Variants in NMU observed in about 807,000 individuals in gnomAD.
NMU encodes neuromedin U.
Under a neutral mutation model 35.4 loss-of-function variants are expected in NMU, and 29 were observed. The observed-to-expected ratio is 0.82, with a 90% CI of 0.61 to 1.12. The LOEUF (loss-of-function observed/expected upper bound fraction) is 1.12. Among genes scored for constraint, NMU ranks in the 50% most tolerant of loss-of-function variants. The pLI is 0.00. For missense variants in NMU, 199 were observed against 206.2 expected, an observed-to-expected ratio of 0.97 and a Z score of 0.21; for synonymous variants, 78 against 81.3, an observed-to-expected ratio of 0.96 and a Z score of 0.22.
At chr4:55,604,027 A>ATATATACATGTGTATATATACAC (rs1733567304) in intron 7 of NMU, among the ~76,000 whole-genome samples, 3 of 28,998 alleles carry the variant, frequency 1.0e-4, no homozygotes, top group African/African-American at 3.1e-4. Flanking sequence ...GTATATATAT[A>ATATATACATGTGTATATATACAC]ATCCTAGAAA....
chr4:55,596,260 T>G (rs553087229), intron 9 of NMU, among the ~76,000 whole-genome samples: 2 of 151,940 alleles, frequency 1.3e-5, no homozygotes. Context: ...TATTATATTG[T>G]TTTTCTATTG....
rs1223895643 is a variant in NMU at position 55,616,375 on chromosome 4, GTATCATC to G, written c.175_181del (p.Asp59LeufsTer24). The G allele has an allele frequency of 6.2e-7, 1 of 1,611,384 alleles. No individual in the cohort carries two copies. ...ATCAATGGACAGAAAAGACGAACAA[GTATCATC>G]TATCTGTAGAAAACAAAAATGTCAG... On this transcript the variant is annotated frameshift_variant, in exon 3 of 10. Coordinates refer to ENST00000264218, the MANE Select transcript of NMU (RefSeq NM_006681.4). LOFTEE classifies it high-confidence loss of function.
intron 7 of NMU, among the ~76,000 whole-genome samples, chr4:55,603,082 C>T (rs985567164): frequency 6.6e-6 from 1 of 152,178 alleles, no homozygotes; most frequent in African/African-American, 2.4e-5. Flanking sequence ...ACTGAAACCT[C>T]TGCCTCCCTG....
intron 1 of NMU, among the ~76,000 whole-genome samples, chr4:55,635,690 C>G (rs1046610485): frequency 6.6e-6 from 1 of 152,248 alleles, no homozygotes; most frequent in African/African-American, 2.4e-5. Context: ...AACCATCAAT[C>G]TCTCCAATAA....
At chr4:55,618,553 C>A (rs1734202435) in intron 2 of NMU, among the ~76,000 whole-genome samples, 1 of 152,130 alleles carries the variant, frequency 6.6e-6, no homozygotes, top group Non-Finnish European at 1.5e-5. Context: ...ATGTTCCTAG[C>A]ATCTTAACTT....
chr4:55,631,326 G>A (rs1186732464), intron 1 of NMU, among the ~76,000 whole-genome samples: 2 of 152,002 alleles, frequency 1.3e-5, no homozygotes, highest in Non-Finnish European at 2.9e-5. Flanking sequence ...AAATAAATGG[G>A]ACCTAATTAA....
chr4:55,613,140 C>T (rs575815167), intron 3 of NMU, among the ~76,000 whole-genome samples: 205 of 152,018 alleles, frequency 1.3e-3, no homozygotes, highest in African/African-American at 4.8e-3. Context: ...CAGTAGATAC[C>T]GAGGCCTACT....
At chr4:55,597,463 G>A (rs1205791768) in intron 9 of NMU, among the ~76,000 whole-genome samples, 1 of 151,916 alleles carries the variant, frequency 6.6e-6, no homozygotes, top group Non-Finnish European at 1.5e-5. Flanking sequence ...CTCCCTCCTG[G>A]GTTCAGGTGA....
At chr4:55,629,351 T>G (rs937031998) in intron 2 of NMU, among the ~76,000 whole-genome samples, 2 of 151,938 alleles carry the variant, frequency 1.3e-5, no homozygotes, top group African/African-American at 4.8e-5. Context: ...TCGGGTGCGG[T>G]GGCTCCTGCC....
chr4:55,620,014 T>G (rs1180877284), intron 2 of NMU, among the ~76,000 whole-genome samples: 1 of 148,950 alleles, frequency 6.7e-6, no homozygotes, highest in African/African-American at 2.5e-5. Flanking sequence ...AACCCATCTG[T>G]ATATCACCAT....
intron 3 of NMU, among the ~76,000 whole-genome samples, chr4:55,615,326 A>T (rs1485429172): frequency 6.6e-6 from 1 of 152,234 alleles, no homozygotes; most frequent in African/African-American, 2.4e-5. Flanking sequence ...CTATAGAGTC[A>T]GTGTTCTTGC....
chr4:55,635,008 T>C (rs1715831923), intron 1 of NMU, among the ~76,000 whole-genome samples: 1 of 152,198 alleles, frequency 6.6e-6, no homozygotes, highest in South Asian at 2.1e-4. Context: ...CCATCTCTAA[T>C]TGAGGGCTGG....
At chr4:55,605,420 ATTTGTT>A (rs1399289959) in intron 6 of NMU, 71 bp from the exon 7 acceptor site, 1 of 1,150,466 alleles carries the variant, frequency 8.7e-7, no homozygotes, top group Non-Finnish European at 1.3e-6. Context: ...ACGGTTTCCT[ATTTGTT>A]TTTGTTTTTA....
intron 7 of NMU, 105 bp from the exon 8 acceptor site, chr4:55,600,680 C>G: frequency 1.2e-6 from 1 of 821,922 alleles, no homozygotes; most frequent in Non-Finnish European, 2.1e-6. Flanking sequence ...ACTGTCATAA[C>G]TAAACATAGA....
chr4:55,618,696 TCTC>T (rs1734216319), intron 2 of NMU, among the ~76,000 whole-genome samples: 1 of 73,948 alleles, frequency 1.4e-5, no homozygotes, highest in Non-Finnish European at 3.0e-5. Context: ...CTTTCTTCTC[TCTC>T]TTCTTTCTTT....
At chr4:55,605,086 G>C (rs1315888649) in intron 7 of NMU, among the ~76,000 whole-genome samples, 189 bp downstream of exon 7, 1 of 152,040 alleles carries the variant, frequency 6.6e-6, no homozygotes, top group Non-Finnish European at 1.5e-5. Flanking sequence ...ATATTGCAGG[G>C]GGCCATGGAA....
upstream of NMU, chr4:55,636,347 G>A: frequency 8.7e-7 from 1 of 1,147,570 alleles, no homozygotes; most frequent in South Asian, 2.3e-5. This position sits in a 1 kb window ranked among gnomAD's most constrained non-coding sequence, Gnocchi z 4.0. Context: ...CAAGTGGGCT[G>A]GGCTGCGCGG....
chr4:55,604,026 T>TGTATATATACATGTGTATATATAC (rs1577937028), intron 7 of NMU, among the ~76,000 whole-genome samples: 4 of 85,522 alleles, frequency 4.7e-5, no homozygotes, highest in Admixed American at 1.1e-4. Flanking sequence ...TGTATATATA[T>TGTATATATACATGTGTATATATAC]AATCCTAGAA....
At chr4:55,610,527 C>T (rs893285152) in intron 3 of NMU, among the ~76,000 whole-genome samples, 8 of 151,988 alleles carry the variant, frequency 5.3e-5, no homozygotes, top group Non-Finnish European at 1.0e-4. Context: ...GTCTCACCTC[C>T]TCTCCCTTTG....
Sources: allele counts gnomAD v4.1 joint callset (sites outside exome capture counted in the v4.1 genomes callset), GRCh38; gene constraint gnomAD v4.1.1; non-coding constraint Gnocchi (gnomAD v3.1); transcripts MANE v1.5; gene names NCBI Gene and HGNC (gene_info 2026-07-23, HGNC 2026-07-21).